The following TASP1 variants were observed in gnomAD, a reference collection of about 807,000 sequenced individuals.
TASP1 encodes threonine aspartase 1.
Under a neutral mutation model 56.6 loss-of-function variants are expected in TASP1, and 16 were observed. The ratio of observed to expected loss-of-function variants is 0.28; its 90% CI spans 0.19 to 0.43. The LOEUF (loss-of-function observed/expected upper bound fraction) is 0.43. Ranked by LOEUF, TASP1 falls within the 20% of genes least tolerant of loss-of-function variation. The pLI, the probability that TASP1 is intolerant of heterozygous loss-of-function variation, is 1.00. For missense variants in TASP1, 393 were observed against 511.6 expected (o/e 0.77, Z 2.24); for synonymous variants, 179 against 184.2 (o/e 0.97, Z 0.23).
the TASP1 span, among the ~76,000 whole-genome samples, chr20:13,212,506 A>AAC: frequency 2.6e-5 from 4 of 151,834 alleles, no homozygotes; most frequent in African/African-American, 4.8e-5. Flanking sequence ...AACTCACAGA[A>AAC]ACACACACAC....
the TASP1 span, among the ~76,000 whole-genome samples, chr20:13,287,508 C>T: frequency 6.6e-6 from 1 of 152,332 alleles, no homozygotes; most frequent in Non-Finnish European, 1.5e-5. Context: ...CACCTCTCAC[C>T]TCCAAGCCCC....
At chr20:13,605,920 A>G (rs1329184220) in intron 4 of TASP1, among the ~76,000 whole-genome samples, 1 of 152,082 alleles carries the variant, frequency 6.6e-6, no homozygotes, top group African/African-American at 2.4e-5. Context: ...AAGGCCCTAC[A>G]TGATCTGACC....
In TASP1 at chr20:13,623,474, G is replaced by A. The variant is rs1397887327; in HGVS notation, c.254C>T (p.Ala85Val). Residue 85 changes from alanine to valine, a missense_variant, in exon 4 of 14, where the codon GCA (alanine) becomes GTA (valine). By Grantham distance (64) the Ala-to-Val change is moderately conservative. Around this residue, in one of 3 missense-constraint regions of TASP1, gnomAD observed 48 missense variants for 106.2 expected, o/e 0.45. Coordinates refer to ENST00000337743, the MANE Select transcript of TASP1 (RefSeq NM_017714.3). ...AAGTTCCACCAGTGCTGCAGTGACTGCGTCAGTTGCAAGAGCACCGGCCTG... is the reference window on the plus strand; with the variant it reads ...AAGTTCCACCAGTGCTGCAGTGACTACGTCAGTTGCAAGAGCACCGGCCTG... ...KLQAGALATDAVTAALVELED... is the reference protein window; with the variant it reads ...KLQAGALATDVVTAALVELED... 21 of 1,609,716 alleles carry A rather than the reference G, an allele frequency of 1.3e-5. No homozygotes were observed. Among genetic ancestry groups the A allele is most frequent in the Non-Finnish European group, 1.7e-5 (20 of 1,176,346 alleles).
intron 11 of TASP1, among the ~76,000 whole-genome samples, chr20:13,468,861 G>GTA (rs1489638242): frequency 5.5e-5 from 7 of 126,196 alleles, no homozygotes; most frequent in African/African-American, 2.0e-4. Flanking sequence ...TTTTATGTGT[G>GTA]TGTGTTTTTT....
intron 12 of TASP1, among the ~76,000 whole-genome samples, chr20:13,432,911 A>C (rs1343760828): frequency 1.3e-5 from 2 of 152,056 alleles, no homozygotes; most frequent in African/African-American, 4.8e-5. Context: ...TCGATGAAAC[A>C]ATTTTAATGC....
At chr20:13,223,093 G>T in the TASP1 span, among the ~76,000 whole-genome samples, 1 of 151,806 alleles carries the variant, frequency 6.6e-6, no homozygotes, top group Non-Finnish European at 1.5e-5. Context: ...AACCCGGGAG[G>T]TTGTAGTGAG....
At chr20:13,359,332 C>T in the TASP1 span, among the ~76,000 whole-genome samples, 21 of 151,392 alleles carry the variant, frequency 1.4e-4, no homozygotes, top group Admixed American at 3.9e-4. Context: ...CACTGAAAAT[C>T]GGACTGTTCA....
the TASP1 span, among the ~76,000 whole-genome samples, chr20:13,139,573 G>T: frequency 6.6e-6 from 1 of 152,260 alleles, no homozygotes; most frequent in East Asian, 1.9e-4. Flanking sequence ...CATTTTCAAG[G>T]GCCATGGCTG....
the TASP1 span, among the ~76,000 whole-genome samples, chr20:13,106,466 TGG>T: frequency 6.6e-6 from 1 of 152,088 alleles, no homozygotes; most frequent in Non-Finnish European, 1.5e-5. Context: ...GAGAAGAGTT[TGG>T]GTTAAGACTT....
chr20:13,248,010 G>A, the TASP1 span, among the ~76,000 whole-genome samples: 37,680 of 152,040 alleles, frequency 0.25, 4,743 homozygotes, highest in African/African-American at 0.3. Flanking sequence ...GTGTGTCAGT[G>A]TTGTGGTTTC....
the TASP1 span, among the ~76,000 whole-genome samples, chr20:13,226,104 T>A: frequency 5.9e-5 from 9 of 152,318 alleles, 1 homozygote; most frequent in South Asian, 1.9e-3. Flanking sequence ...AAACACCAAT[T>A]TGATTATTTT....
chr20:13,309,321 C>T, the TASP1 span, among the ~76,000 whole-genome samples: 1 of 149,824 alleles, frequency 6.7e-6, no homozygotes, highest in Non-Finnish European at 1.5e-5. Flanking sequence ...AAGGACAAAA[C>T]ATTTTATGCT....
the TASP1 span, among the ~76,000 whole-genome samples, chr20:13,331,599 T>C: frequency 6.6e-6 from 1 of 152,074 alleles, no homozygotes; most frequent in East Asian, 1.9e-4. Flanking sequence ...ATTTGTGCTA[T>C]ATAAACTTGT....
intron 8 of TASP1, among the ~76,000 whole-genome samples, chr20:13,557,033 C>T (rs984795130): frequency 1.4e-4 from 22 of 152,152 alleles, no homozygotes; most frequent in African/African-American, 5.3e-4. Flanking sequence ...AGTTCAGTCC[C>T]ATTTCCTGAA....
chr20:13,622,480 C>G (rs2048749601), intron 4 of TASP1, among the ~76,000 whole-genome samples: 2 of 152,148 alleles, frequency 1.3e-5, no homozygotes. Context: ...ATCAAAAGCT[C>G]AGGTCCACAA....
intron 10 of TASP1, among the ~76,000 whole-genome samples, chr20:13,497,476 T>C (rs2043775736): frequency 6.6e-6 from 1 of 152,160 alleles, no homozygotes; most frequent in Non-Finnish European, 1.5e-5. Flanking sequence ...AGCTAGGCTG[T>C]AAAAGACAGA....
chr20:13,453,552 T>C (rs2043710144), intron 11 of TASP1, among the ~76,000 whole-genome samples: 1 of 152,070 alleles, frequency 6.6e-6, no homozygotes, highest in Non-Finnish European at 1.5e-5. Flanking sequence ...GGCATATACT[T>C]ACATTGGGAT....
intron 7 of TASP1, among the ~76,000 whole-genome samples, chr20:13,560,481 C>G (rs560170325): frequency 1.1e-4 from 16 of 152,236 alleles, no homozygotes; most frequent in East Asian, 7.7e-4. Flanking sequence ...CCACAATAAA[C>G]TGGGAATTTA....
the TASP1 span, among the ~76,000 whole-genome samples, chr20:13,263,202 TTG>T: frequency 6.6e-6 from 1 of 152,212 alleles, no homozygotes; most frequent in Non-Finnish European, 1.5e-5. Context: ...AGGGGAATGA[TTG>T]CCATCATACA....
Sources: gnomAD v4.1 joint callset for allele counts (sites outside exome capture counted in the v4.1 genomes callset) on GRCh38, gnomAD v4.1.1 for gene constraint, gnomAD v4.1.1 regional missense constraint, MANE v1.5 for transcripts, NCBI Gene and HGNC (gene_info 2026-07-23, HGNC 2026-07-21) for gene names.